FGF14: variants seen among roughly 807,000 people sequenced by gnomAD.
FGF14 encodes the protein fibroblast growth factor 14.
A neutral mutation model predicts 25.5 loss-of-function variants in FGF14; 5 were observed. The observed-to-expected ratio is 0.20, with a 90% CI of 0.10 to 0.41. The LOEUF (loss-of-function observed/expected upper bound fraction) is 0.41, where lower values mean the gene tolerates loss of function less well. Among genes scored for constraint, FGF14 ranks in the 10% least tolerant of loss-of-function variants. The pLI is 1.00. For missense variants in FGF14, 222 were observed against 320.1 expected, an observed-to-expected ratio of 0.69 and a Z score of 2.34; for synonymous variants, 138 against 118.3, an observed-to-expected ratio of 1.17 and a Z score of -1.08.
chr13:101,931,491 T>G (rs757700432), intron 1 of FGF14, among the ~76,000 whole-genome samples: 7 of 152,176 alleles, frequency 4.6e-5, no homozygotes, highest in African/African-American at 1.7e-4. Context: ...CTGAAAACCT[T>G]AGGACTGGAT....
At chr13:101,996,467 G>GA in intron 1 of FGF14, among the ~76,000 whole-genome samples, 1 of 152,208 alleles carries the variant, frequency 6.6e-6, no homozygotes, top group Non-Finnish European at 1.5e-5. Context: ...ATGATGAGGA[G>GA]AAAAAGAGAA....
At chr13:102,317,929 A>C (rs967799136) in intron 1 of FGF14, among the ~76,000 whole-genome samples, 2 of 152,124 alleles carry the variant, frequency 1.3e-5, no homozygotes, top group African/African-American at 4.8e-5. Flanking sequence ...GCTCAGATAA[A>C]TCCTCCCCTT....
At chr13:101,727,950 A>C (rs2035553222) in intron 3 of FGF14, among the ~76,000 whole-genome samples, 1 of 152,154 alleles carries the variant, frequency 6.6e-6, no homozygotes, top group Non-Finnish European at 1.5e-5. Context: ...TTATTATTGC[A>C]GAAAATAATA....
At chr13:102,263,862 C>G (rs1013534579) in intron 1 of FGF14, among the ~76,000 whole-genome samples, 2 of 151,960 alleles carry the variant, frequency 1.3e-5, no homozygotes, top group Non-Finnish European at 2.9e-5. Context: ...AATGTAAGAA[C>G]CAGGGGAAAA....
chr13:102,314,094 T>C (rs532755827), intron 1 of FGF14, among the ~76,000 whole-genome samples: 2 of 139,620 alleles, frequency 1.4e-5, no homozygotes, highest in Admixed American at 1.6e-4. Flanking sequence ...AGGCATTACG[T>C]ATTGAAAAAA....
chr13:102,077,453 A>T (rs1038592287), intron 1 of FGF14, among the ~76,000 whole-genome samples: 1 of 152,212 alleles, frequency 6.6e-6, no homozygotes, highest in African/African-American at 2.4e-5. Context: ...TAGTAACAAA[A>T]GAATGAAATT....
rs1482153774 is a variant in FGF14, at chr13:101,720,919, A to G, written c.*1912T>C. ...GAAAATGAAATAAGCATAAACAAACAGTTAAATTTCTACTAAACCTTTAAT... is the reference window on the plus strand; with the variant it reads ...GAAAATGAAATAAGCATAAACAAACGGTTAAATTTCTACTAAACCTTTAAT... On this transcript the variant is annotated 3_prime_UTR_variant, in exon 5 of 5. Coordinates refer to ENST00000376143, the MANE Select transcript of FGF14 (RefSeq NM_004115.4). 1 of 152,202 alleles carries G rather than the reference A, an allele frequency of 6.6e-6. No homozygotes were observed. The highest frequency in any genetic ancestry group is 1.5e-5 in the Non-Finnish European group (1 of 68,024). The allele number at this position is 152,202 out of a possible 1,614,324, so 9.4% of individuals were successfully genotyped here.
At chr13:102,097,605 C>T (rs913135321) in intron 1 of FGF14, among the ~76,000 whole-genome samples, 10 of 152,112 alleles carry the variant, frequency 6.6e-5, no homozygotes, top group South Asian at 2.1e-4. Flanking sequence ...AACACTCAGA[C>T]GCACAAAAGT....
intron 3 of FGF14, among the ~76,000 whole-genome samples, chr13:101,856,844 G>A (rs1015248559): frequency 1.3e-5 from 2 of 152,018 alleles, no homozygotes; most frequent in South Asian, 2.1e-4. Flanking sequence ...CTAGGAATCC[G>A]ATACTTTTGA....
At chr13:102,378,236 G>A (rs1392583763) in intron 1 of FGF14, among the ~76,000 whole-genome samples, 1 of 152,080 alleles carries the variant, frequency 6.6e-6, no homozygotes, top group Non-Finnish European at 1.5e-5. Context: ...CTCATCAGGT[G>A]TAACAAATGC....
chr13:101,766,378 A>G (rs1171158348), intron 3 of FGF14, among the ~76,000 whole-genome samples: 2 of 152,186 alleles, frequency 1.3e-5, no homozygotes, highest in African/African-American at 4.8e-5. Context: ...GTGTTCACAT[A>G]GAGACCTGAA....
intron 1 of FGF14, among the ~76,000 whole-genome samples, chr13:102,229,932 T>C (rs1354335612): frequency 3.9e-5 from 6 of 152,200 alleles, no homozygotes; most frequent in Admixed American, 2.6e-4. Flanking sequence ...ATTCAATTCA[T>C]TAAATGACGA....
chr13:102,288,982 T>C (rs143900538), intron 1 of FGF14, among the ~76,000 whole-genome samples: 19 of 152,100 alleles, frequency 1.2e-4, no homozygotes, highest in Admixed American at 2.6e-4. Flanking sequence ...GGAGTACCAA[T>C]AAATGCCAAG....
At chr13:101,886,550 A>G (rs992206534) in intron 1 of FGF14, among the ~76,000 whole-genome samples, 9 of 152,166 alleles carry the variant, frequency 5.9e-5, no homozygotes, top group African/African-American at 2.2e-4. Flanking sequence ...AAAATGTATT[A>G]AAGATTTAAA....
chr13:102,210,790 G>A (rs970929808), intron 1 of FGF14, among the ~76,000 whole-genome samples: 2 of 152,160 alleles, frequency 1.3e-5, no homozygotes, highest in African/African-American at 4.8e-5. Context: ...GTAGGACAGA[G>A]AATATTGGAA....
intron 1 of FGF14, among the ~76,000 whole-genome samples, chr13:102,269,940 C>G (rs569188084): frequency 1.8e-4 from 27 of 152,282 alleles, no homozygotes; most frequent in African/African-American, 6.5e-4. Flanking sequence ...AGCTTTGCAT[C>G]TCACCACGCC....
At chr13:102,064,092 C>G (rs1595151085) in intron 1 of FGF14, among the ~76,000 whole-genome samples, 1 of 152,000 alleles carries the variant, frequency 6.6e-6, no homozygotes, top group Admixed American at 6.6e-5. Context: ...CCCAGATTGG[C>G]CGAAGGATGT....
intron 1 of FGF14, among the ~76,000 whole-genome samples, chr13:102,193,267 T>G (rs941543441): frequency 6.6e-6 from 1 of 152,202 alleles, no homozygotes; most frequent in Non-Finnish European, 1.5e-5. Flanking sequence ...GGCCTTTCTT[T>G]GGAGCATGCG....
intron 1 of FGF14, among the ~76,000 whole-genome samples, chr13:102,162,227 C>A (rs371700215): frequency 1.3e-5 from 2 of 152,082 alleles, no homozygotes; most frequent in Non-Finnish European, 2.9e-5. Context: ...CAGAATCTCT[C>A]GGTCAAAGGC....
Sources: gnomAD v4.1 joint callset for allele counts (sites outside exome capture counted in the v4.1 genomes callset) on GRCh38, gnomAD v4.1.1 for gene constraint, MANE v1.5 for transcripts, NCBI Gene and HGNC (gene_info 2026-07-23, HGNC 2026-07-21) for gene names.